The following SUSD6 variants were observed in gnomAD, a reference collection of about 807,000 sequenced individuals.
SUSD6 encodes the protein sushi domain-containing protein 6.
A neutral mutation model predicts 28.4 loss-of-function variants in SUSD6; 16 were observed. The observed-to-expected ratio is 0.56, with a 90% CI of 0.38 to 0.86. SUSD6 has a LOEUF of 0.86. Among genes scored for constraint, SUSD6 ranks in the 40% least tolerant of loss-of-function variants. The pLI is 0.00. For missense variants in SUSD6, 341 were observed against 384.2 expected (o/e 0.89, Z 0.94); for synonymous variants, 147 against 159.6 (o/e 0.92, Z 0.59).
At chr14:69,688,158 G>A (rs1886100757) in intron 2 of SUSD6, among the ~76,000 whole-genome samples, 1 of 152,142 alleles carries the variant, frequency 6.6e-6, no homozygotes, top group Admixed American at 6.6e-5. Flanking sequence ...ATTATGATCT[G>A]CCCTACTTCT....
At chr14:69,679,012 A>C (rs1284221030) in intron 2 of SUSD6, among the ~76,000 whole-genome samples, 1 of 152,206 alleles carries the variant, frequency 6.6e-6, no homozygotes, top group Non-Finnish European at 1.5e-5. Context: ...CTGATGTATA[A>C]GAAGATTCTT....
intron 1 of SUSD6, chr14:69,617,317 C>T (rs926233991): frequency 6.6e-6 from 1 of 152,170 alleles, no homozygotes; most frequent in Admixed American, 6.5e-5. Flanking sequence ...AAAGCTGCAT[C>T]CATCCATATC....
intron 2 of SUSD6, among the ~76,000 whole-genome samples, chr14:69,690,662 G>A (rs1886139901): frequency 6.6e-6 from 1 of 152,188 alleles, no homozygotes; most frequent in Non-Finnish European, 1.5e-5. Flanking sequence ...AACCAAGAAG[G>A]CATGGCAAAC....
At chr14:69,630,143 A>G (rs1012791577) in intron 1 of SUSD6, among the ~76,000 whole-genome samples, 7 of 152,220 alleles carry the variant, frequency 4.6e-5, no homozygotes, top group African/African-American at 1.7e-4. Context: ...ATATTAGCTT[A>G]TTTAATCTTT....
chr14:69,688,707 C>T (rs1566604269), intron 2 of SUSD6, among the ~76,000 whole-genome samples: 2 of 152,244 alleles, frequency 1.3e-5, no homozygotes, highest in African/African-American at 4.8e-5. Context: ...CCTTTCCCCA[C>T]TCCACCCTGT....
intron 2 of SUSD6, among the ~76,000 whole-genome samples, chr14:69,671,868 T>G (rs1885837816): frequency 6.6e-6 from 1 of 152,230 alleles, no homozygotes; most frequent in East Asian, 1.9e-4. Flanking sequence ...TTAGAGGCTT[T>G]GCTGTTCAAC....
intron 2 of SUSD6, among the ~76,000 whole-genome samples, chr14:69,675,208 G>A (rs1885889642): frequency 6.6e-6 from 1 of 152,160 alleles, no homozygotes; most frequent in African/African-American, 2.4e-5. Context: ...CCTCAGTTTT[G>A]CTCACCTTGC....
In SUSD6 at chr14:69,612,919, A is replaced by G. The variant is rs1884902600; in HGVS notation, c.-81+1091A>G. Among the ~76,000 whole-genome samples, 3 of 152,282 alleles carry G rather than the reference A, an allele frequency of 2.0e-5. No individual in the cohort carries two copies. In the South Asian group the frequency reaches 6.2e-4, roughly 32 times the overall value. ...GTTCCTCTGGTGTAAAAACATACAT[A>G]GGAGTTACGCACACACACCTTTTCT... On this transcript the variant is annotated intron_variant, in intron 1 of 5. Transcript: ENST00000342745.
At chr14:69,617,575 C>T (rs970973838) in intron 1 of SUSD6, 3 of 152,166 alleles carry the variant, frequency 2.0e-5, no homozygotes, top group Admixed American at 6.5e-5. Context: ...TTGACAGACG[C>T]GATAGTGCCT....
At chr14:69,633,523 C>A (rs1275056060) in intron 1 of SUSD6, among the ~76,000 whole-genome samples, 2 of 152,232 alleles carry the variant, frequency 1.3e-5, no homozygotes, top group Non-Finnish European at 2.9e-5. Flanking sequence ...CAGGTCAGAT[C>A]TCCTTTCTTT....
At chr14:69,655,316 C>T (rs1310472152) in intron 1 of SUSD6, among the ~76,000 whole-genome samples, 3 of 152,078 alleles carry the variant, frequency 2.0e-5, no homozygotes, top group Non-Finnish European at 4.4e-5. Context: ...TTTAAGTATA[C>T]TCCCCTTTCA....
rs1216417751 is a variant in SUSD6, at chr14:69,713,656, GAC to G, written c.*2679_*2680del. ...AGCAGCAGGTGGCAGGCTGTTAAAA[GAC>G]AGGCTGCCTGAGGAGCCTGGAGCAG... is the stretch of plus-strand genomic sequence containing the variant. On this transcript the variant is annotated 3_prime_UTR_variant, in exon 6 of 6. Coordinates refer to ENST00000342745, the MANE Select transcript of SUSD6 (RefSeq NM_014734.4). 1 of 152,078 alleles carries G rather than the reference GAC, an allele frequency of 6.6e-6. No individual in the cohort carries two copies. Among genetic ancestry groups the G allele is most frequent in the Non-Finnish European group, 1.5e-5 (1 of 68,114 alleles). 9.4% of individuals were successfully genotyped at this position (152,078 alleles called of 1,614,324 possible). A position where few individuals can be genotyped will look rare whatever the true frequency, so the allele number is the denominator to read the frequency against.
chr14:69,616,013 C>T (rs933086531), intron 1 of SUSD6, among the ~76,000 whole-genome samples: 2 of 152,204 alleles, frequency 1.3e-5, no homozygotes, highest in Non-Finnish European at 2.9e-5. Context: ...CACACATACA[C>T]AAGTGTTTTA....
At chr14:69,615,918 T>C (rs2035874561) in intron 1 of SUSD6, among the ~76,000 whole-genome samples, 1 of 152,248 alleles carries the variant, frequency 6.6e-6, no homozygotes, top group Non-Finnish European at 1.5e-5. Context: ...GAAACAGATG[T>C]AGTTCCCTGT....
intron 2 of SUSD6, among the ~76,000 whole-genome samples, chr14:69,699,246 C>G (rs549091805): frequency 4.3e-4 from 66 of 152,154 alleles, no homozygotes; most frequent in Admixed American, 1.2e-3. Flanking sequence ...CTTTGTCGCC[C>G]AGGCTGGAGT....
In SUSD6 at chr14:69,709,225, G is replaced by A. The variant is rs185549724; in HGVS notation, c.886+121G>A. ...TTTAGCAAAAAAAAGATAGTACCTG[G>A]GGTATTTGCCTACAAAATAGAATTT... On this transcript the variant is annotated intron_variant, in intron 5 of 5. Transcript: ENST00000342745. 4,472 of 922,798 alleles carry A rather than the reference G, an allele frequency of 4.8e-3. 52 individuals are homozygous for A. Among genetic ancestry groups the A allele is most frequent in the South Asian group, 0.027 (1,453 of 54,482 alleles). 57.2% of individuals were successfully genotyped at this position (922,798 alleles called of 1,614,324 possible).
chr14:69,672,627 A>G (rs1345822537), intron 2 of SUSD6, among the ~76,000 whole-genome samples: 2 of 152,186 alleles, frequency 1.3e-5, no homozygotes, highest in Non-Finnish European at 1.5e-5. Flanking sequence ...CTCCCCTCTG[A>G]TGTGTACCAG....
At chr14:69,686,580 C>A (rs1594717776) in intron 2 of SUSD6, among the ~76,000 whole-genome samples, 2 of 152,194 alleles carry the variant, frequency 1.3e-5, no homozygotes, top group Non-Finnish European at 2.9e-5. Context: ...ATTGGACTTA[C>A]ATTTCCAGGT....
chr14:69,705,266 C>T (rs1235494930), intron 4 of SUSD6, among the ~76,000 whole-genome samples: 2 of 150,402 alleles, frequency 1.3e-5, no homozygotes, highest in Non-Finnish European at 3.0e-5. Flanking sequence ...TGCAGTGAGC[C>T]GAGATCACAC....
Sources: allele counts gnomAD v4.1 joint callset (sites outside exome capture counted in the v4.1 genomes callset), GRCh38; gene constraint gnomAD v4.1.1; transcripts MANE v1.5; gene names NCBI Gene and HGNC (gene_info 2026-07-23, HGNC 2026-07-21).